The following EYS variants were observed in gnomAD, a reference collection of about 807,000 sequenced individuals.
EYS encodes protein eyes shut homolog.
EYS carries 250 observed loss-of-function variants against 282.1 expected under a neutral mutation model. The observed-to-expected ratio is 0.89, with a 90% CI of 0.80 to 0.98. The LOEUF is 0.98. Ranked by LOEUF, EYS falls within the 50% of genes least tolerant of loss-of-function variation. The pLI, the probability that EYS is intolerant of heterozygous loss-of-function variation, is 0.00. For synonymous variants in EYS, 1,355 were observed against 1,282.9 expected, an observed-to-expected ratio of 1.06 and a Z score of -1.20; for missense variants, 4,016 against 3,709.0, an observed-to-expected ratio of 1.08 and a Z score of -2.15.
At chr6:63,791,372 T>C (rs2149672025) in intron 37 of EYS, among the ~76,000 whole-genome samples, 1 of 152,170 alleles carries the variant, frequency 6.6e-6, no homozygotes, top group Non-Finnish European at 1.5e-5. Flanking sequence ...AAGACCATCC[T>C]GGCCATCCTG....
intron 33 of EYS, among the ~76,000 whole-genome samples, chr6:64,008,865 G>T (rs970073625): frequency 2.0e-5 from 3 of 152,186 alleles, no homozygotes; most frequent in Non-Finnish European, 4.4e-5. Context: ...CTTTGTAGGT[G>T]ACCTGCCCCT....
At chr6:64,123,584 G>T (rs116709943) in intron 31 of EYS, among the ~76,000 whole-genome samples, 3 of 152,046 alleles carry the variant, frequency 2.0e-5, no homozygotes, top group Non-Finnish European at 4.4e-5. Flanking sequence ...CAGCTTTATC[G>T]TTCCTAACTG....
intron 5 of EYS, among the ~76,000 whole-genome samples, chr6:65,435,940 C>A (rs1768059983): frequency 6.6e-6 from 1 of 152,120 alleles, no homozygotes; most frequent in Non-Finnish European, 1.5e-5. Context: ...GAAGAAACAA[C>A]CCTGCTGACA....
rs1257332495 is a variant in EYS, at chr6:64,912,640, T to C, written c.2485A>G (p.Ile829Val). 4.3e-5 allele frequency: 66 copies of C among 1,549,786 alleles called. No individual in the cohort carries two copies. Among genetic ancestry groups the C allele is most frequent in the Non-Finnish European group, 5.7e-5 (65 of 1,145,824 alleles). The part of the protein sequence containing the change: ...MNGGLCHEST[I>V]PGQFVCLCPP... ...CACAGACATACAAATTGTCCAGGGA[T>C]GGTAGATTCATGACAAAGACCTCCA... Residue 829 changes from isoleucine to valine, a missense_variant, in exon 16 of 43, where the codon ATC becomes GTC. Ile to Val is a conservative substitution (Grantham distance 29). Transcript: ENST00000503581.
chr6:64,690,869 A>C (rs1437637541), intron 22 of EYS, among the ~76,000 whole-genome samples: 1 of 152,076 alleles, frequency 6.6e-6, no homozygotes, highest in East Asian at 1.9e-4. Flanking sequence ...TAGGAGATAT[A>C]CCTAATGTAA....
intron 12 of EYS, among the ~76,000 whole-genome samples, chr6:65,135,069 G>T (rs1388925252): frequency 6.6e-6 from 1 of 152,044 alleles, no homozygotes; most frequent in East Asian, 1.9e-4. Flanking sequence ...TGAATGGTGA[G>T]TGATGACACA....
intron 14 of EYS, among the ~76,000 whole-genome samples, chr6:64,955,350 T>A (rs1017536561): frequency 4.0e-5 from 6 of 151,270 alleles, no homozygotes; most frequent in Non-Finnish European, 7.4e-5. Context: ...GAAAAAAAAA[T>A]TCCATATTCA....
At chr6:64,112,560 T>C (rs1467006681) in intron 31 of EYS, among the ~76,000 whole-genome samples, 1 of 151,746 alleles carries the variant, frequency 6.6e-6, no homozygotes, top group Non-Finnish European at 1.5e-5. Context: ...TACCATTTAA[T>C]CCTCCTAACC....
intron 26 of EYS, among the ~76,000 whole-genome samples, chr6:64,568,286 G>A (rs1765621543): frequency 6.6e-6 from 1 of 152,172 alleles, no homozygotes; most frequent in Non-Finnish European, 1.5e-5. Flanking sequence ...TAAGACCCAT[G>A]ATGGACAAGA....
chr6:64,072,299 T>C (rs911376770), intron 32 of EYS, among the ~76,000 whole-genome samples: 2 of 151,910 alleles, frequency 1.3e-5, no homozygotes, highest in African/African-American at 4.8e-5. Context: ...AACTGTACAA[T>C]GAGCAAATTA....
Position 64,081,989 on chromosome 6 carries a change from G to T in EYS, c.6438C>A (p.Phe2146Leu), listed in dbSNP as rs578167289. The change falls in exon 32 of 43, where the codon TTC becomes TTA. Residue 2146 changes from phenylalanine to leucine, a missense_variant. Transcript: ENST00000503581. ...AGGAATTCCCATTGAAAGATGGAAA[G>T]AATAAACCTGCATCTAAAAAAGAAA... ...GRFCEKDAGLFFPSFNGNSYL... is the reference protein window; with the variant it reads ...GRFCEKDAGLLFPSFNGNSYL... 9 of 1,540,522 alleles carry T rather than the reference G, an allele frequency of 5.8e-6. No homozygotes were observed. Among genetic ancestry groups the T allele is most frequent in the South Asian group, 1.2e-5 (1 of 83,232 alleles).
chr6:64,275,798 A>T (rs550800452), intron 30 of EYS, among the ~76,000 whole-genome samples: 4,541 of 77,580 alleles, frequency 0.059, 229 homozygotes, highest in African/African-American at 0.2. Flanking sequence ...TACTAAAAAA[A>T]TAAAATAAAA....
intron 12 of EYS, among the ~76,000 whole-genome samples, chr6:65,288,183 A>G (rs1768422982): frequency 6.6e-6 from 1 of 151,086 alleles, no homozygotes; most frequent in Non-Finnish European, 1.5e-5. Context: ...TAAGGAGTAT[A>G]AATGGACCTG....
At chr6:63,809,512 AT>A (rs572358220) in intron 36 of EYS, among the ~76,000 whole-genome samples, 146 of 152,220 alleles carry the variant, frequency 9.6e-4, no homozygotes, top group African/African-American at 3.3e-3. Flanking sequence ...AAAGTCATGC[AT>A]TTTTTTGTCA....
chr6:64,788,280 G>T (rs1242079563), intron 22 of EYS, among the ~76,000 whole-genome samples: 4 of 152,044 alleles, frequency 2.6e-5, no homozygotes, highest in Non-Finnish European at 5.9e-5. Flanking sequence ...CTTTCCCTGA[G>T]GTGGGGGAGC....
intron 24 of EYS, among the ~76,000 whole-genome samples, chr6:64,596,733 T>G (rs1217556251): frequency 6.6e-6 from 1 of 152,120 alleles, no homozygotes; most frequent in African/African-American, 2.4e-5. Flanking sequence ...GACTTAAGCA[T>G]AAGACCCCAA....
intron 14 of EYS, among the ~76,000 whole-genome samples, chr6:64,979,305 A>T (rs9345576): frequency 0.068 from 10,256 of 151,772 alleles, 439 homozygotes; most frequent in East Asian, 0.13. Context: ...ATGAAAATAA[A>T]TTTTTCCTAC....
At chr6:64,713,235 A>C (rs1771267524) in intron 22 of EYS, 1 of 152,168 alleles carries the variant, frequency 6.6e-6, no homozygotes. Flanking sequence ...GGTTTCCAGA[A>C]TATGATTTCC....
At chr6:64,142,411 G>A (rs1774366537) in intron 31 of EYS, among the ~76,000 whole-genome samples, 1 of 151,980 alleles carries the variant, frequency 6.6e-6, no homozygotes, top group Non-Finnish European at 1.5e-5. Flanking sequence ...CCCCAAAACT[G>A]GAGCCTCATG....
Sources: gnomAD v4.1 joint callset for allele counts (sites outside exome capture counted in the v4.1 genomes callset) on GRCh38, gnomAD v4.1.1 for gene constraint, MANE v1.5 for transcripts, NCBI Gene and HGNC (gene_info 2026-07-23, HGNC 2026-07-21) for gene names.